Variants in ITGA1 observed in about 807,000 individuals in gnomAD.
ITGA1 encodes integrin alpha-1.
Under a neutral mutation model 145.9 loss-of-function variants are expected in ITGA1, and 85 were observed. The ratio of observed to expected loss-of-function variants is 0.58; its 90% CI spans 0.49 to 0.70. The LOEUF (loss-of-function observed/expected upper bound fraction) is 0.70. Ranked by LOEUF, ITGA1 falls within the 30% of genes least tolerant of loss-of-function variation. The pLI is 0.00. For synonymous variants in ITGA1, 520 were observed against 495.3 expected (o/e 1.05, Z -0.66); for missense variants, 1,351 against 1,418.7 (o/e 0.95, Z 0.77).
Position 52,849,448 on chromosome 5 carries a change from T to A in ITGA1, c.145T>A (p.Tyr49Asn). ...FSGPVEDMFGYTVQQYENEEG... is the reference protein window; with the variant it reads ...FSGPVEDMFGNTVQQYENEEG... ...CGGCCCGGTGGAAGACATGTTTGGA[T>A]ATACTGTTCAACAATATGAAAATGA... The change falls in exon 2 of 29, where the codon TAT (tyrosine) becomes AAT (asparagine). Residue 49 changes from tyrosine (Y) to asparagine (N), a missense_variant. Transcript: ENST00000282588. The A allele has an allele frequency of 6.2e-7, 1 of 1,611,256 alleles. No homozygotes were observed. The highest frequency in any genetic ancestry group is 1.1e-5 in the South Asian group (1 of 90,860).
At chr5:52,859,562 A>G (rs570748063) in intron 2 of ITGA1, among the ~76,000 whole-genome samples, 20 of 152,328 alleles carry the variant, frequency 1.3e-4, no homozygotes, top group Non-Finnish European at 1.9e-4. Context: ...TTTCATTAAT[A>G]CTAGCATGCC....
At chr5:52,800,326 C>G in intron 1 of ITGA1, 1 of 1,576,346 alleles carries the variant, frequency 6.3e-7, no homozygotes, top group Non-Finnish European at 8.7e-7. Context: ...ATTCCCATCC[C>G]CTCTCCCGGG....
chr5:52,882,534 A>C (rs1749976857), intron 7 of ITGA1, among the ~76,000 whole-genome samples: 1 of 151,874 alleles, frequency 6.6e-6, no homozygotes, highest in African/African-American at 2.4e-5. Flanking sequence ...AAAGTTTGAA[A>C]GAAATGGAAA....
chr5:52,793,864 T>C (rs760492166), intron 1 of ITGA1, among the ~76,000 whole-genome samples: 23 of 152,040 alleles, frequency 1.5e-4, no homozygotes, highest in Admixed American at 3.9e-4. Flanking sequence ...TCATATAATG[T>C]TCCAGTTGCA....
intron 1 of ITGA1, among the ~76,000 whole-genome samples, chr5:52,813,969 C>A (rs1748723823): frequency 6.6e-6 from 1 of 152,170 alleles, no homozygotes; most frequent in Non-Finnish European, 1.5e-5. Flanking sequence ...ACCTTGCAGT[C>A]AGACTGGCAT....
At chr5:52,855,955 T>C (rs886915181) in intron 2 of ITGA1, among the ~76,000 whole-genome samples, 1 of 152,218 alleles carries the variant, frequency 6.6e-6, no homozygotes, top group Non-Finnish European at 1.5e-5. Context: ...CCTGGGCTCC[T>C]ACACTCTACC....
chr5:52,891,285 A>G (rs1333219589), intron 8 of ITGA1, among the ~76,000 whole-genome samples: 11 of 148,456 alleles, frequency 7.4e-5, no homozygotes, highest in Non-Finnish European at 3.0e-5. Flanking sequence ...CATTTTAAAT[A>G]CACACCTCCT....
intron 15 of ITGA1, among the ~76,000 whole-genome samples, chr5:52,918,078 T>C (rs1339564843): frequency 6.6e-6 from 1 of 152,184 alleles, no homozygotes; most frequent in Non-Finnish European, 1.5e-5. Flanking sequence ...TTTGGATTAG[T>C]AGACATTACT....
In ITGA1 at chr5:52,788,155, A is replaced by G; in HGVS notation, c.-199A>G. On this transcript the variant is annotated 5_prime_UTR_variant, in exon 1 of 29. Transcript: ENST00000282588. ...TGTGGCAATCCGTCTGGGATGTGAAAAGCGTGGAGCGCATTTAGAGGAATT... is the reference window on the plus strand; with the variant it reads ...TGTGGCAATCCGTCTGGGATGTGAAGAGCGTGGAGCGCATTTAGAGGAATT... 1 of 452,686 alleles carries G rather than the reference A, an allele frequency of 2.2e-6. No homozygotes were observed. Among genetic ancestry groups the G allele is most frequent in the Non-Finnish European group, 3.9e-6 (1 of 254,532 alleles). The allele number at this position is 452,686 out of a possible 1,614,324, so 28.0% of individuals were successfully genotyped here. A position where few individuals can be genotyped will look rare whatever the true frequency, so the allele number is the denominator to read the frequency against.
In ITGA1 at chr5:52,958,105, A is replaced by G. The variant is rs1238563360; in HGVS notation, c.*5654A>G. The G allele has an allele frequency of 6.6e-6, 1 of 152,180 alleles. No individual in the cohort carries two copies. Among genetic ancestry groups the G allele is most frequent in the African/African-American group, 2.4e-5 (1 of 41,448 alleles). The allele number at this position is 152,180 out of a possible 1,614,324, so 9.4% of individuals were successfully genotyped here. A position where few individuals can be genotyped will look rare whatever the true frequency, so the allele number is the denominator to read the frequency against. On this transcript the variant is annotated 3_prime_UTR_variant, in exon 29 of 29. Coordinates refer to ENST00000282588, the MANE Select transcript of ITGA1 (RefSeq NM_181501.2). ...AGAGAGAGATTACTGGGAAGCAGTGAGCCAACATAATTGTCCTTTCCTCTA... is the reference window on the plus strand; with the variant it reads ...AGAGAGAGATTACTGGGAAGCAGTGGGCCAACATAATTGTCCTTTCCTCTA...
chr5:52,890,462 G>A (rs1020852075), intron 8 of ITGA1, among the ~76,000 whole-genome samples: 9 of 152,302 alleles, frequency 5.9e-5, no homozygotes, highest in East Asian at 3.9e-4. Flanking sequence ...TGTGAAAAGT[G>A]TGCACGAAGT....
At chr5:52,894,846 T>C (rs1327570906) in intron 9 of ITGA1, among the ~76,000 whole-genome samples, 1 of 152,178 alleles carries the variant, frequency 6.6e-6, no homozygotes, top group African/African-American at 2.4e-5. Flanking sequence ...ACCATTTTGA[T>C]TGAGCGTCAA....
At chr5:52,917,541 G>A (rs1257393389) in intron 15 of ITGA1, among the ~76,000 whole-genome samples, 1 of 152,038 alleles carries the variant, frequency 6.6e-6, no homozygotes, top group Non-Finnish European at 1.5e-5. Context: ...TATGGTATGT[G>A]CATATGCTGG....
At chr5:52,810,514 C>A (rs910134561) in intron 1 of ITGA1, among the ~76,000 whole-genome samples, 6 of 152,152 alleles carry the variant, frequency 3.9e-5, no homozygotes, top group African/African-American at 1.2e-4. Context: ...GAGAAAAAAA[C>A]CACAATCTAT....
Position 52,866,524 on chromosome 5 carries a change from C to T in ITGA1, c.624+707C>T, listed in dbSNP as rs147183615. 1.2e-3 allele frequency among the ~76,000 whole-genome samples: 181 copies of T among 152,296 alleles called. 1 individual carries two copies. The highest frequency in any genetic ancestry group is 1.4e-3 in the Non-Finnish European group (92 of 68,016). On this transcript the variant is annotated intron_variant, in intron 6 of 28. Coordinates refer to ENST00000282588, the MANE Select transcript of ITGA1 (RefSeq NM_181501.2). ...AACAACCCATCACATTATAATCTCT[C>T]CTCTCATATTATACAAATAAGTTAG...
chr5:52,801,751 A>ATT (rs1561212421), intron 1 of ITGA1: 1 of 1,614,050 alleles, frequency 6.2e-7, no homozygotes, highest in Non-Finnish European at 8.5e-7. Context: ...GGAACAGCTC[A>ATT]GCCAGTTGAC....
At chr5:52,911,861 A>G (rs1339290812) in intron 14 of ITGA1, among the ~76,000 whole-genome samples, 3 of 134,508 alleles carry the variant, frequency 2.2e-5, no homozygotes, top group African/African-American at 5.4e-5. Context: ...TACACACACT[A>G]TATATAGTAT....
intron 14 of ITGA1, among the ~76,000 whole-genome samples, chr5:52,912,069 C>T (rs932580587): frequency 1.5e-5 from 2 of 136,876 alleles, no homozygotes; most frequent in African/African-American, 5.4e-5. Flanking sequence ...TATATACACA[C>T]ACTATATATA....
chr5:52,947,742 C>A (rs539193716), intron 28 of ITGA1, among the ~76,000 whole-genome samples: 1 of 152,212 alleles, frequency 6.6e-6, no homozygotes, highest in South Asian at 2.1e-4. Context: ...GGGACTTTCA[C>A]ATGTGTAACA....
Sources: allele counts gnomAD v4.1 joint callset (sites outside exome capture counted in the v4.1 genomes callset), GRCh38; gene constraint gnomAD v4.1.1; transcripts MANE v1.5; gene names NCBI Gene and HGNC (gene_info 2026-07-23, HGNC 2026-07-21).